ZFHX3: variants seen among roughly 807,000 people sequenced by gnomAD.
ZFHX3 encodes the protein zinc finger homeobox protein 3.
A neutral mutation model predicts 279.1 loss-of-function variants in ZFHX3; 42 were observed. The observed-to-expected ratio is 0.15, with a 90% confidence interval of 0.12 to 0.19. The LOEUF is 0.19. Among genes scored for constraint, ZFHX3 ranks in the 10% least tolerant of loss-of-function variants. ZFHX3 has a pLI of 1.00. For synonymous variants in ZFHX3, 2,293 were observed against 1,957.8 expected (o/e 1.17, Z -4.52); for missense variants, 4,981 against 4,754.0 (o/e 1.05, Z -1.40).
At chr16:73,235,378 C>A (rs750589149) in intron 5 of ZFHX3, among the ~76,000 whole-genome samples, 1 of 152,180 alleles carries the variant, frequency 6.6e-6, no homozygotes, top group Admixed American at 6.5e-5. Context: ...GCACCATGCC[C>A]GGCCACTTTT....
At chr16:73,177,517 T>C (rs1967691453) in intron 5 of ZFHX3, among the ~76,000 whole-genome samples, 1 of 152,226 alleles carries the variant, frequency 6.6e-6, no homozygotes, top group Admixed American at 6.5e-5. Flanking sequence ...CGCAAGAACA[T>C]AGGTATCCCT....
At chr16:73,324,402 C>T (rs1340932436) in intron 3 of ZFHX3, among the ~76,000 whole-genome samples, 1 of 152,200 alleles carries the variant, frequency 6.6e-6, no homozygotes, top group Admixed American at 6.5e-5. Flanking sequence ...TTCTCCTCTA[C>T]TTCTAGACAC....
At chr16:73,624,049 C>A (rs1024918293) in intron 2 of ZFHX3, among the ~76,000 whole-genome samples, 4 of 152,128 alleles carry the variant, frequency 2.6e-5, no homozygotes, top group Non-Finnish European at 4.4e-5. Context: ...CAACCATGAG[C>A]AAATCAAGTA....
chr16:73,536,055 C>G (rs1422255553), intron 2 of ZFHX3, among the ~76,000 whole-genome samples: 2 of 152,068 alleles, frequency 1.3e-5, no homozygotes, highest in African/African-American at 4.8e-5. Context: ...TTTTCTATCA[C>G]TGTGTAAGCT....
chr16:72,900,699 C>A (rs1471360502), intron 3 of ZFHX3, among the ~76,000 whole-genome samples: 1 of 152,170 alleles, frequency 6.6e-6, no homozygotes, highest in Non-Finnish European at 1.5e-5. Context: ...GCATGCTACG[C>A]CCTAGATCGC....
chr16:72,796,736 C>T lies in ZFHX3; in HGVS notation c.5946G>A (p.Lys1982=). ...GKTDQGENLE[K]LECDSCGKLF... ...ACTTGCCGCAGGAGTCACACTCGAG[C>T]TTTTCCAGGTTCTCTCCCTGGTCAG... The change falls in exon 9 of 10, where the codon AAG becomes AAA. Residue 1982 remains lysine, a synonymous_variant. Transcript: ENST00000268489. 6.2e-7 allele frequency: 1 copy of T among 1,613,842 alleles called. No homozygotes were observed. The highest frequency in any genetic ancestry group is 8.5e-7 in the Non-Finnish European group (1 of 1,179,982).
chr16:72,927,146 T>C (rs1398530118), intron 3 of ZFHX3, among the ~76,000 whole-genome samples: 2 of 152,236 alleles, frequency 1.3e-5, no homozygotes, highest in Non-Finnish European at 2.9e-5. Context: ...CTTCTTCACT[T>C]GGTCAGAGAA....
chr16:73,559,241 CCTCA>C (rs2020334015), intron 2 of ZFHX3, among the ~76,000 whole-genome samples: 1 of 151,890 alleles, frequency 6.6e-6, no homozygotes. Context: ...AGAGGCAGGG[CCTCA>C]CTATGTTTCC....
chr16:73,341,197 C>T (rs1017159543), intron 3 of ZFHX3, among the ~76,000 whole-genome samples: 6 of 151,916 alleles, frequency 3.9e-5, no homozygotes, highest in East Asian at 1.9e-4. Context: ...AAAAATTAGC[C>T]GGGTGTGATG....
chr16:73,812,046 G>A (rs1960443803), intron 1 of ZFHX3, among the ~76,000 whole-genome samples: 1 of 152,182 alleles, frequency 6.6e-6, no homozygotes, highest in South Asian at 2.1e-4. Flanking sequence ...AAGGTTATAT[G>A]GCTAATGAAT....
chr16:73,256,800 G>A (rs1416139530), intron 5 of ZFHX3, among the ~76,000 whole-genome samples: 1 of 152,164 alleles, frequency 6.6e-6, no homozygotes, highest in African/African-American at 2.4e-5. Flanking sequence ...TTTAATCATA[G>A]TGCCCTTTGT....
intron 1 of ZFHX3, among the ~76,000 whole-genome samples, chr16:73,058,240 C>T (rs1011739089): frequency 7.0e-6 from 1 of 143,196 alleles, no homozygotes; most frequent in African/African-American, 2.5e-5. Context: ...GGCCCGGGCT[C>T]GGCGGCGGCG....
rs986137068 is a variant in ZFHX3 at position 73,645,661 on chromosome 16, T to C, written c.-1547+34519A>G. Among the ~76,000 whole-genome samples the C allele has an allele frequency of 3.9e-5, 6 of 152,234 alleles. 1 individual carries two copies. The highest frequency in any genetic ancestry group is 1.4e-4 in the African/African-American group (6 of 41,460). On this transcript the variant is annotated intron_variant, in intron 2 of 17. Coordinates refer to the ZFHX3 transcript ENST00000641206. ...TCTTTATAAAAATACGTAGCATGGA[T>C]AGTTTAACAAGCATTTATTAATAAT...
chr16:73,121,747 C>T (rs1433896393), intron 7 of ZFHX3, among the ~76,000 whole-genome samples: 5 of 151,888 alleles, frequency 3.3e-5, no homozygotes, highest in South Asian at 2.1e-4. Context: ...TCCCAAGTAG[C>T]TGGGACTACA....
intron 3 of ZFHX3, among the ~76,000 whole-genome samples, chr16:73,319,560 C>T (rs1301898178): frequency 2.0e-5 from 3 of 150,292 alleles, no homozygotes; most frequent in Admixed American, 6.7e-5. Flanking sequence ...AACTCAGGGG[C>T]GGGGGGTTGG....
At chr16:73,816,832 C>T (rs987026874) in intron 1 of ZFHX3, among the ~76,000 whole-genome samples, 5 of 152,204 alleles carry the variant, frequency 3.3e-5, no homozygotes, top group Non-Finnish European at 5.9e-5. Context: ...TGTGGGCATT[C>T]ACACCCAGAC....
chr16:72,974,349 A>T (rs12325558), intron 1 of ZFHX3, among the ~76,000 whole-genome samples: 1 of 151,870 alleles, frequency 6.6e-6, no homozygotes, highest in African/African-American at 2.4e-5. Flanking sequence ...AATGGGGAAA[A>T]CCTGTAAGGG....
intron 2 of ZFHX3, among the ~76,000 whole-genome samples, chr16:73,471,874 T>C (rs2018674576): frequency 6.6e-6 from 1 of 152,182 alleles, no homozygotes; most frequent in Non-Finnish European, 1.5e-5. Context: ...TGCAGCATTC[T>C]GAGACATCTG....
At chr16:73,140,119 T>C (rs1269613812) in intron 6 of ZFHX3, among the ~76,000 whole-genome samples, 2 of 151,878 alleles carry the variant, frequency 1.3e-5, no homozygotes, top group Non-Finnish European at 2.9e-5. Flanking sequence ...ATTTGAAAAT[T>C]AGCTGGGCAT....
Sources: allele counts gnomAD v4.1 joint callset (sites outside exome capture counted in the v4.1 genomes callset), GRCh38; gene constraint gnomAD v4.1.1; transcripts MANE v1.5; gene names NCBI Gene and HGNC (gene_info 2026-07-23, HGNC 2026-07-21).